The following CEP135 variants were observed in gnomAD, a reference collection of about 807,000 sequenced individuals.
CEP135 encodes the protein centrosomal protein 135.
Under a neutral mutation model 157.3 loss-of-function variants are expected in CEP135, and 142 were observed. The ratio of observed to expected loss-of-function variants is 0.90; its 90% CI spans 0.79 to 1.04. CEP135 has a LOEUF of 1.04. Ranked by LOEUF, CEP135 falls within the 50% of genes least tolerant of loss-of-function variation. The pLI is 0.00. For missense variants in CEP135, 1,317 were observed against 1,309.2 expected, an observed-to-expected ratio of 1.01 and a Z score of -0.09; for synonymous variants, 396 against 439.8, an observed-to-expected ratio of 0.90 and a Z score of 1.25.
chr4:56,021,943 T>G (rs1453659109), intron 24 of CEP135, among the ~76,000 whole-genome samples: 1 of 152,036 alleles, frequency 6.6e-6, no homozygotes, highest in Non-Finnish European at 1.5e-5. Flanking sequence ...AGTGGGAGGA[T>G]TGATTGAGCT....
chr4:56,006,609 C>A (rs2109725123), intron 17 of CEP135, among the ~76,000 whole-genome samples: 1 of 152,198 alleles, frequency 6.6e-6, no homozygotes, highest in East Asian at 1.9e-4. Flanking sequence ...CAGAATGAGA[C>A]CCTGTCTCAA....
At chr4:55,973,312 G>A (rs1253543274) in intron 10 of CEP135, among the ~76,000 whole-genome samples, 2 of 152,174 alleles carry the variant, frequency 1.3e-5, no homozygotes, top group South Asian at 2.1e-4. Context: ...TTCTCTTAGC[G>A]TTTGATCTTC....
At chr4:55,989,154 C>G (rs781426164) in intron 14 of CEP135, among the ~76,000 whole-genome samples, 1 of 152,012 alleles carries the variant, frequency 6.6e-6, no homozygotes, top group Admixed American at 6.6e-5. Flanking sequence ...AAAATTGGAT[C>G]CTAACTCAAA....
chr4:56,016,257 T>G (rs756081419), intron 21 of CEP135, among the ~76,000 whole-genome samples: 1 of 152,132 alleles, frequency 6.6e-6, no homozygotes, highest in Non-Finnish European at 1.5e-5. Context: ...ACACCCACAT[T>G]TTGGACTTCC....
At chr4:56,015,164 C>T (rs141974036) in intron 21 of CEP135, among the ~76,000 whole-genome samples, 9 of 152,300 alleles carry the variant, frequency 5.9e-5, no homozygotes, top group African/African-American at 2.2e-4. Context: ...ATATGTGACT[C>T]ATGAATCCAA....
chr4:55,991,933 G>T lies in CEP135; in HGVS notation c.1858-1G>T. Reference sequence around the variant, plus strand: ...CTACTGTTTTTTTATTTAAATTATAGCTTGAAAGCGAAAAATATGAATTAA... The same window carrying T: ...CTACTGTTTTTTTATTTAAATTATATCTTGAAAGCGAAAAATATGAATTAA... On this transcript the variant is annotated splice_acceptor_variant, in intron 14 of 25. Transcript: ENST00000257287. LOFTEE classifies it high-confidence loss of function. 1.4e-6 allele frequency: 2 copies of T among 1,422,810 alleles called. No homozygotes were observed. The highest frequency in any genetic ancestry group is 4.8e-5 in the East Asian group (2 of 41,948). 88.1% of individuals were successfully genotyped at this position (1,422,810 alleles called of 1,614,324 possible).
rs1193742602 is a variant in CEP135, at chr4:55,953,204, T to A, written c.233T>A (p.Leu78Ter). The A allele has an allele frequency of 1.9e-6, 3 of 1,601,774 alleles. No individual in the cohort carries two copies. Among genetic ancestry groups the A allele is most frequent in the Non-Finnish European group, 2.6e-6 (3 of 1,176,432 alleles). ...CCCTATAAACTTGAAAATGCAAGAT[T>A]GAGTAGAGAAAATAATGAATTATAC... ...LEPYKLENAR[L>*]SRENNELYLE... Residue 78 changes from leucine to a stop codon, truncating the protein, a stop_gained, in exon 3 of 26, where the codon TTG (leucine) becomes TAG (stop). Coordinates refer to ENST00000257287, the MANE Select transcript of CEP135 (RefSeq NM_025009.5). LOFTEE classifies it high-confidence loss of function.
At chr4:56,027,007 C>G (rs1313083401) in intron 25 of CEP135, among the ~76,000 whole-genome samples, 3 of 152,216 alleles carry the variant, frequency 2.0e-5, no homozygotes, top group African/African-American at 7.2e-5. Flanking sequence ...CTTTGACGTA[C>G]TGATGCCCTC....
At chr4:56,030,252 T>C (rs1419505860) in intron 25 of CEP135, among the ~76,000 whole-genome samples, 1 of 152,190 alleles carries the variant, frequency 6.6e-6, no homozygotes, top group Non-Finnish European at 1.5e-5. Context: ...GAGGCTGCTT[T>C]ATAGTCAACA....
chr4:56,019,589 T>G, intron 23 of CEP135, 34 bp downstream of exon 23: 1 of 1,544,140 alleles, frequency 6.5e-7, no homozygotes, highest in Non-Finnish European at 8.8e-7. Context: ...GCAAAGACAA[T>G]TGCTTGTGAA....
chr4:56,010,929 G>A (rs1010586211), intron 19 of CEP135, among the ~76,000 whole-genome samples: 6 of 152,162 alleles, frequency 3.9e-5, no homozygotes, highest in Admixed American at 2.6e-4. Flanking sequence ...GTGTGATAAA[G>A]TTTGGTTAAA....
intron 10 of CEP135, among the ~76,000 whole-genome samples, chr4:55,971,938 G>T (rs1443854858): frequency 6.6e-6 from 1 of 152,076 alleles, no homozygotes; most frequent in Non-Finnish European, 1.5e-5. Flanking sequence ...ATCATCTGAG[G>T]TTGGGAGTTC....
intron 22 of CEP135, among the ~76,000 whole-genome samples, chr4:56,018,188 C>A (rs1270992136): frequency 1.3e-5 from 2 of 152,030 alleles, no homozygotes; most frequent in East Asian, 3.9e-4. Context: ...CCATGTTGGC[C>A]GGGCTGGTCT....
Position 55,971,321 on chromosome 4 carries a change from G to C in CEP135, c.1162G>C (p.Val388Leu), listed in dbSNP as rs371016705. ...EKERLSDELL[V>L]KSDLETVVHQ... The stretch of plus-strand genomic sequence containing the variant: ...GGAGAGACTGAGTGATGAACTCCTT[G>C]TAAAATCAGACCTAGAAACTGTTGT... The change falls in exon 10 of 26, where the codon GTA becomes CTA. Residue 388 changes from valine (V) to leucine (L), a missense_variant. Transcript: ENST00000257287. The C allele has an allele frequency of 1.2e-6, 2 of 1,606,392 alleles. No homozygotes were observed. Among genetic ancestry groups the C allele is most frequent in the Non-Finnish European group, 1.7e-6 (2 of 1,176,830 alleles).
chr4:55,966,150 G>GCAT, intron 8 of CEP135: 1 of 282,686 alleles, frequency 3.5e-6, no homozygotes. Context: ...CTTTATCTAT[G>GCAT]CATTGTGAGA....
intron 14 of CEP135, among the ~76,000 whole-genome samples, chr4:55,987,649 C>G (rs1729631786): frequency 6.6e-6 from 1 of 152,160 alleles, no homozygotes; most frequent in Non-Finnish European, 1.5e-5. Flanking sequence ...TTAGTTATTT[C>G]AGGCGGAAGA....
chr4:55,970,010 A>T (rs1728975437), intron 9 of CEP135, among the ~76,000 whole-genome samples: 1 of 149,896 alleles, frequency 6.7e-6, no homozygotes, highest in Non-Finnish European at 1.5e-5. Context: ...TGTGGTTAAG[A>T]CTGCAGGCAT....
rs1277694862 is a variant in CEP135, at chr4:56,011,876, A to G, written c.2693A>G (p.His898Arg). 7 of 1,608,170 alleles carry G rather than the reference A, an allele frequency of 4.4e-6. No individual in the cohort carries two copies. The highest frequency in any genetic ancestry group is 2.3e-5 in the East Asian group (1 of 44,434). The change falls in exon 21 of 26, where the codon CAT becomes CGT. Residue 898 changes from histidine to arginine, a missense_variant. By Grantham distance (29) the His-to-Arg change is conservative. Coordinates refer to ENST00000257287, the MANE Select transcript of CEP135 (RefSeq NM_025009.5). ...NRAEDWEVKA[H>R]QAEGESSSVR... ...GCTGAAGACTGGGAGGTCAAAGCCCATCAAGCTGAGGGAGAAAGCAGCTCA... is the reference window on the plus strand; with the variant it reads ...GCTGAAGACTGGGAGGTCAAAGCCCGTCAAGCTGAGGGAGAAAGCAGCTCA...
intron 21 of CEP135, 106 bp downstream of exon 21, chr4:56,012,091 T>C (rs1730608551): frequency 1.3e-6 from 1 of 753,752 alleles, no homozygotes; most frequent in Non-Finnish European, 1.9e-6. Flanking sequence ...GAAGTCTGAC[T>C]CTGTTGCCCA....
Sources: allele counts gnomAD v4.1 joint callset (sites outside exome capture counted in the v4.1 genomes callset), GRCh38; gene constraint gnomAD v4.1.1; transcripts MANE v1.5; gene names NCBI Gene and HGNC (gene_info 2026-07-23, HGNC 2026-07-21).